ARHGAP18: variants seen among roughly 807,000 people sequenced by gnomAD.
ARHGAP18 encodes the protein Rho GTPase activating protein 18, also known as rho GTPase-activating protein 18.
In ARHGAP18, 67 loss-of-function variants were observed where a neutral mutation model predicts 86.2. The observed-to-expected ratio is 0.78, with a 90% CI of 0.64 to 0.95. The LOEUF (loss-of-function observed/expected upper bound fraction) is 0.95, where lower values mean the gene tolerates loss of function less well. ARHGAP18 is among the 40% of genes least tolerant of loss of function. ARHGAP18 has a pLI of 0.00. For missense variants in ARHGAP18, 691 were observed against 780.4 expected, an observed-to-expected ratio of 0.89 and a Z score of 1.37; for synonymous variants, 283 against 280.4, an observed-to-expected ratio of 1.01 and a Z score of -0.09.
chr6:129,637,889 C>A (rs1201160086), intron 3 of ARHGAP18, among the ~76,000 whole-genome samples: 1 of 152,314 alleles, frequency 6.6e-6, no homozygotes, highest in East Asian at 1.9e-4. Context: ...TAAGGTCTTT[C>A]TTTTAACACC....
rs1788565769 is a variant in ARHGAP18 at position 129,593,950 on chromosome 6, AATTATAAACGGTTAGTTTTAATAG to A, written c.1713+5242_1713+5265del. ...GCACGTCTTAATAATACAAATGCCC[AATTATAAACGGTTAGTTTTAATAG>A]CATACAAAATTATTATTTTTTTAAC... On this transcript the variant is annotated intron_variant, in intron 12 of 14. Coordinates refer to ENST00000368149, the MANE Select transcript of ARHGAP18 (RefSeq NM_033515.3). Among the ~76,000 whole-genome samples the A allele has an allele frequency of 4.6e-5, 7 of 152,282 alleles. No individual in the cohort carries two copies. The South Asian group carries it at 1.5e-3, about 32-fold the overall frequency.
chr6:129,599,781 G>C (rs1277286043), intron 11 of ARHGAP18, among the ~76,000 whole-genome samples: 2 of 152,106 alleles, frequency 1.3e-5, no homozygotes, highest in African/African-American at 4.8e-5. Context: ...TGTCATGAGA[G>C]AAAGAACTCC....
chr6:129,613,776 C>T (rs189766605), intron 7 of ARHGAP18, among the ~76,000 whole-genome samples: 74 of 152,142 alleles, frequency 4.9e-4, no homozygotes, highest in African/African-American at 1.7e-3. Context: ...TTATAGCATT[C>T]CTTTTATTAT....
At chr6:129,641,606 T>C (rs1471798801) in intron 2 of ARHGAP18, among the ~76,000 whole-genome samples, 1 of 152,222 alleles carries the variant, frequency 6.6e-6, no homozygotes, top group Non-Finnish European at 1.5e-5. Flanking sequence ...ATTCCAGCCA[T>C]ATCTATGACT....
In ARHGAP18 at chr6:129,638,633, A is replaced by G. The variant is rs1773384349; in HGVS notation, c.317-4T>C. ...CACTCTTCTTCCAATTCTCCCTCTA[A>G]GACAGTAGAGAAAAGTGGTACTTAA... On this transcript the variant is annotated splice_region_variant and splice_polypyrimidine_tract_variant and intron_variant, in intron 2 of 14. Coordinates refer to ENST00000368149, the MANE Select transcript of ARHGAP18 (RefSeq NM_033515.3). 6.2e-7 allele frequency: 1 copy of G among 1,608,544 alleles called. No homozygotes were observed.
At chr6:129,598,009 C>G (rs1184305807) in intron 12 of ARHGAP18, among the ~76,000 whole-genome samples, 1 of 151,986 alleles carries the variant, frequency 6.6e-6, no homozygotes, top group Non-Finnish European at 1.5e-5. Flanking sequence ...TTAAGTAGAT[C>G]CTGAGCTTCA....
chr6:129,591,121 G>C (rs1788503489), intron 12 of ARHGAP18, among the ~76,000 whole-genome samples: 1 of 152,144 alleles, frequency 6.6e-6, no homozygotes, highest in Non-Finnish European at 1.5e-5. Flanking sequence ...CCACTATTAA[G>C]TACTAGAATC....
At chr6:129,650,728 A>T (rs1006949083) in intron 1 of ARHGAP18, among the ~76,000 whole-genome samples, 1 of 152,150 alleles carries the variant, frequency 6.6e-6, no homozygotes, top group Non-Finnish European at 1.5e-5. Flanking sequence ...CCTGGACCTG[A>T]TGTTCTTTCT....
chr6:129,661,309 TAAAAAAAAA>T (rs11370799), intron 1 of ARHGAP18, among the ~76,000 whole-genome samples: 1 of 111,234 alleles, frequency 9.0e-6, no homozygotes, highest in East Asian at 2.6e-4. Flanking sequence ...GCAAGAATCT[TAAAAAAAAA>T]AAAAAAAAAA....
intron 4 of ARHGAP18, among the ~76,000 whole-genome samples, chr6:129,631,322 G>A (rs770802661): frequency 4.6e-5 from 7 of 151,810 alleles, no homozygotes; most frequent in East Asian, 1.9e-4. Flanking sequence ...GGACTATGCC[G>A]AATGTAAAGC....
intron 1 of ARHGAP18, among the ~76,000 whole-genome samples, chr6:129,659,708 A>G (rs1773912177): frequency 6.6e-6 from 1 of 152,166 alleles, no homozygotes; most frequent in Non-Finnish European, 1.5e-5. Flanking sequence ...TTGGTCTCCC[A>G]AAGTACTGGG....
intron 1 of ARHGAP18, among the ~76,000 whole-genome samples, chr6:129,649,910 TTTTG>T (rs1331670920): frequency 3.0e-5 from 4 of 131,972 alleles, no homozygotes; most frequent in East Asian, 2.2e-4. Flanking sequence ...TCTTCTTTTT[TTTTG>T]TTTTTTTTTT....
At chr6:129,591,011 A>T (rs1788498437) in intron 12 of ARHGAP18, among the ~76,000 whole-genome samples, 1 of 152,210 alleles carries the variant, frequency 6.6e-6, no homozygotes, top group Admixed American at 6.5e-5. Context: ...GTTTCTGGGA[A>T]GTTTTTGCTG....
At chr6:129,598,581 T>A (rs1320944743) in intron 12 of ARHGAP18, among the ~76,000 whole-genome samples, 1 of 152,232 alleles carries the variant, frequency 6.6e-6, no homozygotes, top group Non-Finnish European at 1.5e-5. Context: ...CCATGTATAT[T>A]TTATTATTGT....
At chr6:129,583,877 C>A in intron 13 of ARHGAP18, 111 bp downstream of exon 13, 1 of 1,367,236 alleles carries the variant, frequency 7.3e-7, no homozygotes, top group South Asian at 1.4e-5. Flanking sequence ...TTCATACTAC[C>A]CCACAATTAA....
rs1388046612 is a variant in ARHGAP18 at position 129,578,593 on chromosome 6, G to A, written c.1912C>T (p.Leu638Phe). ...EIGGNIGERCLDDDTYMKDLY... is the reference protein window; with the variant it reads ...EIGGNIGERCFDDDTYMKDLY... Reference sequence around the variant, plus strand: ...TCCTTCATGTAAGTGTCATCATCAAGGCAGCGTTCCCCTGTTAAAATAGAT... The same window carrying A: ...TCCTTCATGTAAGTGTCATCATCAAAGCAGCGTTCCCCTGTTAAAATAGAT... The change falls in exon 15 of 15, where the codon CTT becomes TTT. Residue 638 changes from leucine to phenylalanine, a missense_variant. Physicochemically the swap from Leu to Phe is conservative, Grantham distance 22 (BLOSUM62 0). Transcript: ENST00000368149. 1.2e-6 allele frequency: 2 copies of A among 1,609,576 alleles called. No homozygotes were observed. The highest frequency in any genetic ancestry group is 8.5e-7 in the Non-Finnish European group (1 of 1,177,396).
At chr6:129,654,969 C>T (rs956980008) in intron 1 of ARHGAP18, among the ~76,000 whole-genome samples, 1 of 152,166 alleles carries the variant, frequency 6.6e-6, no homozygotes, top group African/African-American at 2.4e-5. Context: ...GAAGAAAGAA[C>T]TGTTGTGTCA....
chr6:129,649,164 C>T (rs1773649189), intron 1 of ARHGAP18, among the ~76,000 whole-genome samples: 1 of 152,328 alleles, frequency 6.6e-6, no homozygotes, highest in East Asian at 1.9e-4. Context: ...CTGAATTTCA[C>T]AGAAACTTAC....
At position 129,590,920 on chromosome 6, in the gene ARHGAP18, T is replaced by G. The variant is rs140357387; in HGVS notation, c.1714-6808A>C. ...CAGAGATTGAGAGTTTGACTCAATA[T>G]GGATATACAATGCTCTTTATCCCTG... On this transcript the variant is annotated intron_variant, in intron 12 of 14. Transcript: ENST00000368149. 5.6e-3 allele frequency among the ~76,000 whole-genome samples: 857 copies of G among 152,352 alleles called. 10 individuals carry two copies. The highest frequency in any genetic ancestry group is 0.02 in the African/African-American group (812 of 41,584).
Sources: gnomAD v4.1 joint callset for allele counts (sites outside exome capture counted in the v4.1 genomes callset) on GRCh38, gnomAD v4.1.1 for gene constraint, MANE v1.5 for transcripts, NCBI Gene and HGNC (gene_info 2026-07-23, HGNC 2026-07-21) for gene names.